The following ZFP69 variants were observed in gnomAD, a reference collection of about 807,000 sequenced individuals.
ZFP69 encodes zinc finger protein 69 homolog.
Under a neutral mutation model 48.9 loss-of-function variants are expected in ZFP69, and 35 were observed. That is an observed-to-expected ratio of 0.72 (90% CI 0.55 to 0.95). ZFP69 has a LOEUF of 0.95. Among genes scored for constraint, ZFP69 ranks in the 40% least tolerant of loss-of-function variants. The pLI, the probability that ZFP69 is intolerant of heterozygous loss-of-function variation, is 0.00. For missense variants in ZFP69, 557 were observed against 638.4 expected (o/e 0.87, Z 1.37); for synonymous variants, 193 against 216.8 (o/e 0.89, Z 0.96).
rs373120900 is a variant in ZFP69, at chr1:40,495,261, T to G, written c.783T>G (p.His261Gln). The change falls in exon 6 of 6, where the codon CAT (histidine) becomes CAG (glutamine). Residue 261 changes from histidine (H) to glutamine (Q), a missense_variant. Coordinates refer to ENST00000372706, the MANE Select transcript of ZFP69 (RefSeq NM_001320179.2). The part of the protein sequence containing the change: ...RNTYKLDLIN[H>Q]PTSYIRTKTY... ...CATACAAATTAGATTTGATTAATCATCCAACAAGTTACATAAGAACAAAAA... is the reference window on the plus strand; with the variant it reads ...CATACAAATTAGATTTGATTAATCAGCCAACAAGTTACATAAGAACAAAAA... 1.7e-5 allele frequency: 28 copies of G among 1,613,998 alleles called. No homozygotes were observed. The highest frequency in any genetic ancestry group is 2.3e-5 in the Non-Finnish European group (27 of 1,180,000).
rs1282961085 is a variant in ZFP69 at position 40,496,241 on chromosome 1, T to G, written c.*182T>G. ...TAACACCTCTAAAAAGTACTTAAGA[T>G]TAAAATCTGGTCCTTAAAATTAAAT... On this transcript the variant is annotated 3_prime_UTR_variant, in exon 6 of 6. Coordinates refer to ENST00000372706, the MANE Select transcript of ZFP69 (RefSeq NM_001320179.2). 1 of 495,436 alleles carries G rather than the reference T, an allele frequency of 2.0e-6. No individual in the cohort carries two copies. The highest frequency in any genetic ancestry group is 3.4e-6 in the Non-Finnish European group (1 of 295,882). The allele number at this position is 495,436 out of a possible 1,614,324, so 30.7% of individuals were successfully genotyped here.
chr1:40,496,134 A>T lies in ZFP69; in HGVS notation c.*75A>T. ...AGAGTGCTTTAAAATTTCAGGACTC[A>T]GATATGAGGAATTGATGTAATGATG... On this transcript the variant is annotated 3_prime_UTR_variant, in exon 6 of 6. Coordinates refer to ENST00000372706, the MANE Select transcript of ZFP69 (RefSeq NM_001320179.2). 1.4e-6 allele frequency: 2 copies of T among 1,435,916 alleles called. No individual in the cohort carries two copies. The highest frequency in any genetic ancestry group is 1.9e-6 in the Non-Finnish European group (2 of 1,070,806). 88.9% of individuals were successfully genotyped at this position (1,435,916 alleles called of 1,614,324 possible). A position where few individuals can be genotyped will look rare whatever the true frequency, so the allele number is the denominator to read the frequency against.
intron 3 of ZFP69, among the ~76,000 whole-genome samples, chr1:40,483,561 T>G (rs1645464509): frequency 6.6e-6 from 1 of 152,158 alleles, no homozygotes; most frequent in Admixed American, 6.5e-5. Context: ...TTTTCCTGTA[T>G]GTAAATTGTA....
chr1:40,486,562 G>T (rs1645502291), intron 3 of ZFP69, among the ~76,000 whole-genome samples: 1 of 138,610 alleles, frequency 7.2e-6, no homozygotes, highest in Non-Finnish European at 1.5e-5. Flanking sequence ...GGGGCTACAA[G>T]TGTGCGCCAC....
chr1:40,483,490 A>C (rs1163799560), intron 3 of ZFP69, among the ~76,000 whole-genome samples: 1 of 152,036 alleles, frequency 6.6e-6, no homozygotes, highest in Non-Finnish European at 1.5e-5. Context: ...CGGCCTCCCA[A>C]AGTGCTGGGA....
At chr1:40,493,498 T>C (rs1645590343) in intron 5 of ZFP69, 1 of 152,170 alleles carries the variant, frequency 6.6e-6, no homozygotes, top group Non-Finnish European at 1.5e-5. Flanking sequence ...TTTAGTAAAA[T>C]GCCTATTTAG....
Position 40,495,966 on chromosome 1 carries a change from A to T in ZFP69, c.1488A>T (p.Glu496Asp). The change falls in exon 6 of 6, where the codon GAA becomes GAT. Residue 496 changes from glutamate to aspartate, a missense_variant. Physicochemically the swap from Glu to Asp is conservative, Grantham distance 45. Coordinates refer to ENST00000372706, the MANE Select transcript of ZFP69 (RefSeq NM_001320179.2). ...ATCACACTGGAGAAAAACCTTACGA[A>T]TGTAACGAATGTGGAAAAGCCTTCA... ...QRHHTGEKPY[E>D]CNECGKAFSY... The T allele has an allele frequency of 6.2e-7, 1 of 1,614,204 alleles. No individual in the cohort carries two copies. The highest frequency in any genetic ancestry group is 8.5e-7 in the Non-Finnish European group (1 of 1,180,034).
intron 3 of ZFP69, among the ~76,000 whole-genome samples, chr1:40,486,921 G>A (rs2124449921): frequency 6.9e-6 from 1 of 144,144 alleles, no homozygotes; most frequent in South Asian, 2.2e-4. Flanking sequence ...TTCATTTACA[G>A]TTGATTTTTT....
At chr1:40,486,350 C>T (rs1465526027) in intron 3 of ZFP69, among the ~76,000 whole-genome samples, 1 of 151,924 alleles carries the variant, frequency 6.6e-6, no homozygotes, top group Non-Finnish European at 1.5e-5. Context: ...TACCTATTCC[C>T]TCTTCTGAGA....
At chr1:40,491,466 T>G (rs1457715193) in intron 5 of ZFP69, among the ~76,000 whole-genome samples, 1 of 152,246 alleles carries the variant, frequency 6.6e-6, no homozygotes, top group East Asian at 1.9e-4. Context: ...TACACCAGGT[T>G]ATTCTCCCAT....
chr1:40,486,469 CCTTT>C (rs1645500472), intron 3 of ZFP69, among the ~76,000 whole-genome samples: 1 of 100,970 alleles, frequency 9.9e-6, no homozygotes, highest in Admixed American at 1.4e-4. Context: ...CTCCCTCCCT[CCTTT>C]CTTCCTCCCT....
At chr1:40,479,843 G>C (rs79833429) in intron 2 of ZFP69, among the ~76,000 whole-genome samples, 3,248 of 152,296 alleles carry the variant, frequency 0.021, 129 homozygotes, top group African/African-American at 0.073. Context: ...ACAGGTTCCA[G>C]TCATTTTAGC....
chr1:40,478,617 A>C (rs904126432), intron 1 of ZFP69, among the ~76,000 whole-genome samples: 1 of 152,232 alleles, frequency 6.6e-6, no homozygotes, highest in African/African-American at 2.4e-5. Flanking sequence ...ATGATTCAGC[A>C]ATATGATAAC....
chr1:40,487,516 T>C (rs541840979), intron 3 of ZFP69, among the ~76,000 whole-genome samples: 1 of 152,332 alleles, frequency 6.6e-6, no homozygotes, highest in East Asian at 1.9e-4. Context: ...AGACTATTCA[T>C]GGTGCCATTC....
In ZFP69 at chr1:40,495,937, A is replaced by G. The variant is rs201801948; in HGVS notation, c.1459A>G (p.Arg487Gly). Residue 487 changes from arginine (R) to glycine (G), a missense_variant, in exon 6 of 6, where the codon AGA (arginine) becomes GGA (glycine). Transcript: ENST00000372706. The stretch of plus-strand genomic sequence containing the variant: ...TGATTCATCCTTTAAAAAACATCAG[A>G]GACATCACACTGGAGAAAAACCTTA... ...RHDSSFKKHQRHHTGEKPYEC... is the reference protein window; with the variant it reads ...RHDSSFKKHQGHHTGEKPYEC... 1 of 1,614,200 alleles carries G rather than the reference A, an allele frequency of 6.2e-7. No homozygotes were observed. The highest frequency in any genetic ancestry group is 8.5e-7 in the Non-Finnish European group (1 of 1,180,036).
chr1:40,488,902 G>A (rs1645533705), intron 3 of ZFP69, among the ~76,000 whole-genome samples, 186 bp from the exon 4 acceptor site: 1 of 151,884 alleles, frequency 6.6e-6, no homozygotes, highest in Non-Finnish European at 1.5e-5. Flanking sequence ...TAGAGATCCA[G>A]ACAGACTACA....
intron 3 of ZFP69, 78 bp downstream of exon 3, chr1:40,481,932 G>A: frequency 1.9e-6 from 2 of 1,032,162 alleles, no homozygotes; most frequent in Non-Finnish European, 2.9e-6. Context: ...TTTTGCAGAG[G>A]TGGGAGTGGT....
chr1:40,478,921 G>A (rs1282598695), intron 1 of ZFP69, 115 bp from the exon 2 acceptor site: 2 of 177,038 alleles, frequency 1.1e-5, no homozygotes, highest in Non-Finnish European at 2.4e-5. Context: ...TTGCATGTTT[G>A]TGTATGTATG....
chr1:40,494,087 T>C (rs1376419300), intron 5 of ZFP69, among the ~76,000 whole-genome samples: 1 of 152,134 alleles, frequency 6.6e-6, no homozygotes, highest in Non-Finnish European at 1.5e-5. Flanking sequence ...CTGTATTTTC[T>C]GAACGAATGT....
Sources: gnomAD v4.1 joint callset for allele counts (sites outside exome capture counted in the v4.1 genomes callset) on GRCh38, gnomAD v4.1.1 for gene constraint, MANE v1.5 for transcripts, NCBI Gene and HGNC (gene_info 2026-07-23, HGNC 2026-07-21) for gene names.